The following AP3B1 variants were observed in gnomAD, a reference collection of about 807,000 sequenced individuals.
AP3B1 encodes the protein AP-3 complex subunit beta-1.
In AP3B1, 61 loss-of-function variants were observed where a neutral mutation model predicts 132.5. The ratio of observed to expected loss-of-function variants is 0.46; its 90% CI spans 0.37 to 0.57. The LOEUF (loss-of-function observed/expected upper bound fraction) is 0.57, where lower values mean the gene tolerates loss of function less well. Among genes scored for constraint, AP3B1 ranks in the 20% least tolerant of loss-of-function variants. The pLI is 0.00. For missense variants in AP3B1, 1,120 were observed against 1,289.4 expected (o/e 0.87, Z 2.01); for synonymous variants, 388 against 438.3 (o/e 0.89, Z 1.43).
chr5:78,263,540 G>T (rs548791041), intron 2 of AP3B1, among the ~76,000 whole-genome samples: 181 of 152,296 alleles, frequency 1.2e-3, no homozygotes, highest in Non-Finnish European at 2.3e-3. Flanking sequence ...GTGTTGCACA[G>T]AAGTGGTAAA....
intron 21 of AP3B1, among the ~76,000 whole-genome samples, chr5:78,090,276 G>C (rs918589539): frequency 1.3e-5 from 2 of 152,206 alleles, no homozygotes; most frequent in Non-Finnish European, 2.9e-5. Flanking sequence ...TATGTGGCTA[G>C]TATGACTAAA....
intron 21 of AP3B1, among the ~76,000 whole-genome samples, chr5:78,091,057 G>A (rs2112205613): frequency 6.6e-6 from 1 of 151,934 alleles, no homozygotes; most frequent in African/African-American, 2.4e-5. Context: ...AAACTGCTGG[G>A]ATTACAGGCG....
At chr5:78,037,449 T>C (rs974960302) in intron 23 of AP3B1, among the ~76,000 whole-genome samples, 37 of 152,222 alleles carry the variant, frequency 2.4e-4, no homozygotes, top group African/African-American at 8.7e-4. Context: ...AAAATATTTT[T>C]AAAAATTAAG....
At chr5:78,118,171 AGTTTT>A (rs1394467940) in intron 17 of AP3B1, among the ~76,000 whole-genome samples, 2 of 152,174 alleles carry the variant, frequency 1.3e-5, no homozygotes, top group Non-Finnish European at 2.9e-5. Flanking sequence ...CATTTGACCT[AGTTTT>A]GTTTTATTTA....
chr5:78,237,884 T>C (rs1375546215), intron 3 of AP3B1, among the ~76,000 whole-genome samples: 4 of 152,224 alleles, frequency 2.6e-5, no homozygotes, highest in Non-Finnish European at 5.9e-5. Context: ...TTAACAATGT[T>C]CTGAGAAATG....
chr5:78,203,701 C>T (rs149843474), intron 7 of AP3B1, among the ~76,000 whole-genome samples: 6 of 152,124 alleles, frequency 3.9e-5, no homozygotes, highest in Non-Finnish European at 7.4e-5. Context: ...TCCTTTCCTC[C>T]TGGAATATGT....
chr5:78,232,761 C>T (rs1231875295), intron 3 of AP3B1, among the ~76,000 whole-genome samples: 2 of 152,012 alleles, frequency 1.3e-5, no homozygotes, highest in African/African-American at 4.8e-5. Flanking sequence ...GGCTGGAGTG[C>T]AGTGGCACAA....
At chr5:78,192,614 C>T (rs911792821) in intron 7 of AP3B1, among the ~76,000 whole-genome samples, 1 of 152,126 alleles carries the variant, frequency 6.6e-6, no homozygotes, top group African/African-American at 2.4e-5. Flanking sequence ...TGCACTCCAG[C>T]CTGGGCGGCA....
intron 22 of AP3B1, chr5:78,042,412 T>A (rs1159569121): frequency 6.6e-6 from 1 of 152,204 alleles, no homozygotes; most frequent in African/African-American, 2.4e-5. Flanking sequence ...TTTTTTTTAT[T>A]TTTTGTTGTG....
chr5:78,047,212 T>C (rs1748373669), intron 22 of AP3B1, among the ~76,000 whole-genome samples: 1 of 152,230 alleles, frequency 6.6e-6, no homozygotes, highest in Admixed American at 6.5e-5. Flanking sequence ...TTTGGGTATA[T>C]ACCCAGTAAT....
At chr5:78,158,050 A>C (rs1561446367) in intron 13 of AP3B1, among the ~76,000 whole-genome samples, 1 of 152,122 alleles carries the variant, frequency 6.6e-6, no homozygotes, top group Non-Finnish European at 1.5e-5. Flanking sequence ...TGCCCGGCCT[A>C]CTCTTTTTCA....
chr5:78,231,527 TA>T (rs575705069), intron 3 of AP3B1, among the ~76,000 whole-genome samples: 14 of 148,136 alleles, frequency 9.5e-5, no homozygotes, highest in African/African-American at 7.4e-5. Context: ...CACTTCTGTA[TA>T]AAAAAAAAAT....
intron 20 of AP3B1, among the ~76,000 whole-genome samples, chr5:78,104,421 C>T (rs1187920213): frequency 6.6e-6 from 1 of 152,058 alleles, no homozygotes; most frequent in African/African-American, 2.4e-5. Flanking sequence ...TTTCAAAGGT[C>T]TCAACTGCAA....
chr5:78,098,721 TAATTCAAGCA>T, intron 21 of AP3B1, among the ~76,000 whole-genome samples: 1 of 152,318 alleles, frequency 6.6e-6, no homozygotes, highest in South Asian at 2.1e-4. Context: ...TATGTTTTAT[TAATTCAAGCA>T]ATATTTACTG....
chr5:78,114,636 C>CTAT (rs1751744252), intron 18 of AP3B1, among the ~76,000 whole-genome samples: 2 of 152,264 alleles, frequency 1.3e-5, no homozygotes, highest in South Asian at 4.2e-4. Context: ...TTTAAAATGA[C>CTAT]TATAACTACA....
chr5:78,250,489 A>G (rs1030468713), intron 2 of AP3B1, among the ~76,000 whole-genome samples: 2 of 152,152 alleles, frequency 1.3e-5, no homozygotes, highest in East Asian at 3.8e-4. Flanking sequence ...TCAACCCACA[A>G]TGGAGCCTGA....
chr5:78,244,775 T>C (rs544315247), intron 2 of AP3B1, among the ~76,000 whole-genome samples: 6 of 152,120 alleles, frequency 3.9e-5, no homozygotes, highest in Non-Finnish European at 5.9e-5. Flanking sequence ...GGAGCGTGGA[T>C]CACAAGGTCT....
chr5:78,211,100 A>G (rs912373904), intron 7 of AP3B1, among the ~76,000 whole-genome samples: 1 of 152,164 alleles, frequency 6.6e-6, no homozygotes, highest in Non-Finnish European at 1.5e-5. Flanking sequence ...TTTAATTTCC[A>G]TTTTCCTGCA....
At chr5:78,101,089 TA>T in intron 20 of AP3B1, 64 bp from the exon 21 acceptor site, 1 of 1,008,744 alleles carries the variant, frequency 9.9e-7, no homozygotes, top group Non-Finnish European at 1.5e-6. Flanking sequence ...GAGTAGTCCT[TA>T]ATATTCCAAA....
Sources: allele counts gnomAD v4.1 joint callset (sites outside exome capture counted in the v4.1 genomes callset), GRCh38; gene constraint gnomAD v4.1.1; transcripts MANE v1.5; gene names NCBI Gene and HGNC (gene_info 2026-07-23, HGNC 2026-07-21).